Variants in CD109 observed in about 807,000 individuals in gnomAD.
CD109 encodes CD109 antigen.
In CD109, 149 loss-of-function variants were observed where a neutral mutation model predicts 165.8. The ratio of observed to expected loss-of-function variants is 0.90; its 90% CI spans 0.79 to 1.03. The LOEUF (loss-of-function observed/expected upper bound fraction) is 1.03, where lower values mean the gene tolerates loss of function less well. Among genes scored for constraint, CD109 ranks in the 50% least tolerant of loss-of-function variants. The pLI is 0.00. For missense variants in CD109, 1,712 were observed against 1,677.8 expected, an observed-to-expected ratio of 1.02 and a Z score of -0.36; for synonymous variants, 585 against 592.1, an observed-to-expected ratio of 0.99 and a Z score of 0.18.
Position 73,711,659 on chromosome 6 carries a change from A to G in CD109, c.248-11592A>G, listed in dbSNP as rs1395262911. ...CGCCATTCTCCTGCCTCAGCCTCCC[A>G]AGTAGCTGGGACTACAGGCGCCCGC... On this transcript the variant is annotated intron_variant, in intron 2 of 32. Transcript: ENST00000287097. Among the ~76,000 whole-genome samples the G allele has an allele frequency of 2.7e-3, 77 of 28,824 alleles. 27 individuals are homozygous for G. The Admixed American group carries it at 0.031, about 12-fold the overall frequency. The allele number at this position is 28,824 out of a possible 152,430, so 18.9% of individuals were successfully genotyped here. A position where few individuals can be genotyped will look rare whatever the true frequency, so the allele number is the denominator to read the frequency against.
intron 11 of CD109, among the ~76,000 whole-genome samples, 159 bp from the exon 12 acceptor site, chr6:73,766,600 T>C (rs566449738): frequency 2.0e-5 from 3 of 151,846 alleles, no homozygotes; most frequent in Admixed American, 2.0e-4. Context: ...CAGTATAAGC[T>C]ATAAAATGAT....
At chr6:73,704,272 G>A (rs989833298) in intron 2 of CD109, among the ~76,000 whole-genome samples, 3 of 151,978 alleles carry the variant, frequency 2.0e-5, no homozygotes, top group Non-Finnish European at 1.5e-5. Flanking sequence ...ACTGCCCTTT[G>A]GTATCTCACA....
At chr6:73,719,910 TATA>T (rs1448228656) in intron 2 of CD109, among the ~76,000 whole-genome samples, 2 of 152,186 alleles carry the variant, frequency 1.3e-5, no homozygotes, top group Non-Finnish European at 2.9e-5. Context: ...CAGTATAGAA[TATA>T]ATAAGTCTTT....
At chr6:73,742,780 G>A (rs1015242655) in intron 5 of CD109, among the ~76,000 whole-genome samples, 2 of 152,208 alleles carry the variant, frequency 1.3e-5, no homozygotes, top group Non-Finnish European at 2.9e-5. Context: ...ACATCAGTGT[G>A]CCACAGAATC....
intron 15 of CD109, among the ~76,000 whole-genome samples, chr6:73,772,505 CAAAAA>C (rs1027095366): frequency 2.5e-5 from 1 of 39,570 alleles, no homozygotes; most frequent in Admixed American, 2.8e-4. Flanking sequence ...GACTCTGTCT[CAAAAA>C]AAAAAAAAAA....
chr6:73,767,300 A>G (rs1773889596), intron 13 of CD109, among the ~76,000 whole-genome samples: 1 of 152,164 alleles, frequency 6.6e-6, no homozygotes, highest in African/African-American at 2.4e-5. Flanking sequence ...AAGTGAGAAT[A>G]TGTGGTATTT....
In CD109 at chr6:73,825,934, C is replaced by T. The variant is rs1243507502; in HGVS notation, c.*2301C>T. On this transcript the variant is annotated 3_prime_UTR_variant, in exon 33 of 33. Transcript: ENST00000287097. ...CAGAGGTTGCAGTGAGCCGAGATCA[C>T]GCCACTGCACTCCAGCCTGGGGGAC... The T allele has an allele frequency of 2.6e-5, 4 of 152,234 alleles. No homozygotes were observed. The highest frequency in any genetic ancestry group is 4.8e-5 in the African/African-American group (2 of 41,422). 9.4% of individuals were successfully genotyped at this position (152,234 alleles called of 1,614,324 possible).
In CD109 at chr6:73,811,234, A is replaced by G. The variant is rs905990645; in HGVS notation, c.3702+87A>G. 7.7e-6 allele frequency: 11 copies of G among 1,420,972 alleles called. 1 individual carries two copies. The highest frequency in any genetic ancestry group is 2.8e-5 in the South Asian group (2 of 70,258). The allele number at this position is 1,420,972 out of a possible 1,614,324, so 88.0% of individuals were successfully genotyped here. On this transcript the variant is annotated intron_variant, in intron 28 of 32. Coordinates refer to ENST00000287097, the MANE Select transcript of CD109 (RefSeq NM_133493.5). ...CTTTATTTGTAATCTGTTGATTTCA[A>G]CAAAGACTTGTTTCCAGAGCTCTGT...
intron 24 of CD109, among the ~76,000 whole-genome samples, chr6:73,804,539 G>A (rs1040279201): frequency 6.6e-6 from 1 of 152,098 alleles, no homozygotes; most frequent in Non-Finnish European, 1.5e-5. Context: ...TTAGGTGGTG[G>A]TGTTGGCAGG....
chr6:73,726,795 T>TA (rs1432323252), intron 3 of CD109, among the ~76,000 whole-genome samples: 2 of 152,212 alleles, frequency 1.3e-5, no homozygotes, highest in Non-Finnish European at 2.9e-5. Context: ...GGCTGATTGA[T>TA]ATTCTGTTGG....
intron 15 of CD109, among the ~76,000 whole-genome samples, chr6:73,778,925 A>G (rs1334819631): frequency 1.3e-5 from 2 of 152,202 alleles, no homozygotes; most frequent in South Asian, 2.1e-4. Flanking sequence ...GAAGTTAAAT[A>G]TATATAAAAT....
chr6:73,814,808 A>G (rs1275819835), intron 29 of CD109, among the ~76,000 whole-genome samples, 173 bp from the exon 30 acceptor site: 1 of 152,122 alleles, frequency 6.6e-6, no homozygotes, highest in Non-Finnish European at 1.5e-5. Flanking sequence ...TTTTAATACT[A>G]TTTGTTAATA....
chr6:73,734,358 C>G (rs1482828697), intron 4 of CD109, among the ~76,000 whole-genome samples: 2 of 152,178 alleles, frequency 1.3e-5, no homozygotes, highest in Non-Finnish European at 2.9e-5. Context: ...TTCCATTTTC[C>G]TACACTTCAG....
At chr6:73,688,429 C>G in the CD109 span, among the ~76,000 whole-genome samples, 52 of 152,198 alleles carry the variant, frequency 3.4e-4, no homozygotes, top group East Asian at 8.7e-3. Flanking sequence ...ATCTTTTGTT[C>G]TAATATTTGG....
intron 15 of CD109, among the ~76,000 whole-genome samples, chr6:73,772,464 C>T (rs1284447653): frequency 1.4e-5 from 2 of 147,310 alleles, no homozygotes; most frequent in Non-Finnish European, 1.5e-5. Flanking sequence ...AGAAATCGTG[C>T]CACTGCACTC....
chr6:73,765,235 A>AG (rs1349544836), intron 10 of CD109, among the ~76,000 whole-genome samples: 1 of 151,618 alleles, frequency 6.6e-6, no homozygotes, highest in African/African-American at 2.4e-5. Flanking sequence ...GGCTGTGTGC[A>AG]GGAGGATGGC....
chr6:73,696,313 G>C (rs1770833330), intron 1 of CD109, 24 bp downstream of exon 1: 1 of 1,384,910 alleles, frequency 7.2e-7, no homozygotes. Flanking sequence ...CGCGCGGGGG[G>C]CGCGCGGGCG....
chr6:73,701,300 T>A (rs1283315195), intron 2 of CD109, among the ~76,000 whole-genome samples: 2 of 152,188 alleles, frequency 1.3e-5, no homozygotes, highest in Non-Finnish European at 2.9e-5. Flanking sequence ...ATTAGAACTA[T>A]GTTCCTAATC....
intron 31 of CD109, among the ~76,000 whole-genome samples, chr6:73,820,149 G>A (rs79139585): frequency 0.017 from 2,548 of 152,300 alleles, 67 homozygotes; most frequent in African/African-American, 0.058. Flanking sequence ...AGTAGTAACT[G>A]GGGGTGGGGT....
Sources: allele counts gnomAD v4.1 joint callset (sites outside exome capture counted in the v4.1 genomes callset), GRCh38; gene constraint gnomAD v4.1.1; transcripts MANE v1.5; gene names NCBI Gene and HGNC (gene_info 2026-07-23, HGNC 2026-07-21).